The following JADE2 variants were observed in gnomAD, a reference collection of about 807,000 sequenced individuals.
The protein encoded by JADE2 is jade family PHD finger 2.
Under a neutral mutation model 85.7 loss-of-function variants are expected in JADE2, and 13 were observed. The observed-to-expected ratio is 0.15, with a 90% CI of 0.10 to 0.24. The LOEUF is 0.24. JADE2 is among the 10% of genes least tolerant of loss of function. JADE2 has a pLI of 1.00. For missense variants in JADE2, 846 were observed against 1,115.9 expected (o/e 0.76, Z 3.45); for synonymous variants, 440 against 456.1 (o/e 0.96, Z 0.45).
Position 134,566,112 on chromosome 5 carries a change from T to C in JADE2, c.970-4T>C. 6.2e-7 allele frequency: 1 copy of C among 1,609,422 alleles called. No homozygotes were observed. Among genetic ancestry groups the C allele is most frequent in the Non-Finnish European group, 8.5e-7 (1 of 1,176,942 alleles). On this transcript the variant is annotated splice_polypyrimidine_tract_variant and splice_region_variant and intron_variant, in intron 8 of 11. Transcript: ENST00000681547. The surrounding 1 kb of genome is among the most constrained non-coding windows in gnomAD (Gnocchi z 6.7). ...GTCTGATCCTGCCCCTCCTTTCCCCTCAGTGTTCCATGCCTTCCTGCGTCA... is the reference window on the plus strand; with the variant it reads ...GTCTGATCCTGCCCCTCCTTTCCCCCCAGTGTTCCATGCCTTCCTGCGTCA...
At chr5:134,556,961 C>T (rs1404073860) in intron 4 of JADE2, among the ~76,000 whole-genome samples, 2 of 148,026 alleles carry the variant, frequency 1.4e-5, no homozygotes, top group Non-Finnish European at 3.0e-5. Context: ...ACCACACACA[C>T]ACCTCACACA....
At chr5:134,565,049 G>A (rs1224943911) in intron 8 of JADE2, among the ~76,000 whole-genome samples, 5 of 152,280 alleles carry the variant, frequency 3.3e-5, no homozygotes, top group South Asian at 2.1e-4. Context: ...TCTAGCATGC[G>A]TCAGAATTAC....
At chr5:134,572,623 A>G (rs1397682787) in intron 9 of JADE2, among the ~76,000 whole-genome samples, 1 of 152,228 alleles carries the variant, frequency 6.6e-6, no homozygotes, top group Non-Finnish European at 1.5e-5. Context: ...AGCTTTGGCC[A>G]ACTGTCCCTG....
At chr5:134,526,397 G>C (rs1007743373) in intron 1 of JADE2, 1 of 985,106 alleles carries the variant, frequency 1.0e-6, no homozygotes. Context: ...CGCGGGCTCC[G>C]GCCGGGCGTA....
At chr5:134,551,001 G>A (rs1428489576) in intron 3 of JADE2, among the ~76,000 whole-genome samples, 2 of 152,042 alleles carry the variant, frequency 1.3e-5, no homozygotes, top group Non-Finnish European at 2.9e-5. Flanking sequence ...AGGGACCTTG[G>A]AAGTCCCAGC....
chr5:134,546,311 G>C (rs181812847), intron 3 of JADE2, among the ~76,000 whole-genome samples: 5 of 152,178 alleles, frequency 3.3e-5, no homozygotes, highest in Admixed American at 2.6e-4. Flanking sequence ...TGGGACTACA[G>C]GCAAGCCACC....
At chr5:134,551,418 G>T (rs1762584732) in intron 3 of JADE2, among the ~76,000 whole-genome samples, 1 of 151,916 alleles carries the variant, frequency 6.6e-6, no homozygotes, top group African/African-American at 2.4e-5. Flanking sequence ...TTGTAAAAAT[G>T]AGGTTTCACC....
Position 134,562,972 on chromosome 5 carries a change from A to G in JADE2, c.852+605A>G, listed in dbSNP as rs1422351005. On this transcript the variant is annotated intron_variant, in intron 7 of 11. Transcript: ENST00000681547. The surrounding 1 kb of genome is among the most constrained non-coding windows in gnomAD (Gnocchi z 4.6). ...AGTCAGGCAGCTGACTAGAGGGGAA[A>G]GCAGGTTGTGGGGTCCATCTAAACC... 2.6e-5 allele frequency among the ~76,000 whole-genome samples: 4 copies of G among 152,176 alleles called. No homozygotes were observed. The highest frequency in any genetic ancestry group is 2.6e-4 in the Admixed American group (4 of 15,270).
chr5:134,570,556 C>G (rs1202017285), intron 9 of JADE2, among the ~76,000 whole-genome samples: 1 of 152,212 alleles, frequency 6.6e-6, no homozygotes, highest in East Asian at 1.9e-4. Context: ...TTGCTGCCCA[C>G]TCTGGCCGGG....
chr5:134,526,584 C>T (rs1760836617), intron 1 of JADE2: 1 of 985,402 alleles, frequency 1.0e-6, no homozygotes, highest in Non-Finnish European at 1.2e-6. Context: ...GGCTCACGTG[C>T]AGCCGGTCCG....
intron 1 of JADE2, among the ~76,000 whole-genome samples, chr5:134,529,780 C>T (rs149159242): frequency 3.8e-4 from 58 of 152,332 alleles, no homozygotes; most frequent in Middle Eastern, 3.4e-3. Context: ...GATATGGGAG[C>T]GAGTAGACGG....
intron 1 of JADE2, among the ~76,000 whole-genome samples, chr5:134,527,305 G>A (rs1467774746): frequency 6.6e-6 from 1 of 152,040 alleles, no homozygotes; most frequent in Admixed American, 6.6e-5. Flanking sequence ...GCTCCCCATG[G>A]TTTCTTCCCG....
chr5:134,555,482 C>A (rs1047798333), intron 4 of JADE2, among the ~76,000 whole-genome samples: 3 of 152,194 alleles, frequency 2.0e-5, no homozygotes, highest in African/African-American at 7.2e-5. Flanking sequence ...AGAGCCAGAG[C>A]CAGAAGGGGG....
chr5:134,563,131 A>G (rs1763426961), intron 7 of JADE2, among the ~76,000 whole-genome samples: 1 of 152,150 alleles, frequency 6.6e-6, no homozygotes. Flanking sequence ...CAGCCTGGCC[A>G]ACATGGTAAC....
Position 134,580,643 on chromosome 5 carries a change from AC to A in JADE2, c.*1328del, listed in dbSNP as rs1346872565. On this transcript the variant is annotated 3_prime_UTR_variant, in exon 12 of 12. Coordinates refer to ENST00000681547, the MANE Select transcript of JADE2 (RefSeq NM_001388185.1). ...TAAAGCCAGAACTTCTCCAAAAAGA[AC>A]CTTGCAAAAAGTCCAGTGAATCAGT... 6.6e-6 allele frequency: 1 copy of A among 152,388 alleles called. No homozygotes were observed. Among genetic ancestry groups the A allele is most frequent in the East Asian group, 1.9e-4 (1 of 5,206 alleles). The allele number at this position is 152,388 out of a possible 1,614,324, so 9.4% of individuals were successfully genotyped here.
At position 134,559,817 on chromosome 5, in the gene JADE2, C is replaced by T. The variant is rs1763214854; in HGVS notation, c.312-13C>T. ...GGCCCCTCCCTTCATGACATCCTGT[C>T]TTGATTTTCTAGGATCCTCCCACCA... On this transcript the variant is annotated splice_polypyrimidine_tract_variant and intron_variant, in intron 4 of 11. Coordinates refer to ENST00000681547, the MANE Select transcript of JADE2 (RefSeq NM_001388185.1). The T allele has an allele frequency of 1.2e-6, 2 of 1,605,328 alleles. No homozygotes were observed. Among genetic ancestry groups the T allele is most frequent in the Non-Finnish European group, 1.7e-6 (2 of 1,176,344 alleles).
intron 1 of JADE2, chr5:134,526,871 G>T: frequency 3.0e-6 from 2 of 673,748 alleles, no homozygotes; most frequent in Non-Finnish European, 3.7e-6. Context: ...CTGGGAGAGT[G>T]GAAATGTACC....
chr5:134,538,227 GC>G (rs1281814766), intron 3 of JADE2, 144 bp downstream of exon 3: 1 of 628,282 alleles, frequency 1.6e-6, no homozygotes, highest in African/African-American at 1.8e-5. Flanking sequence ...GGGAGTAGGG[GC>G]CAGTTTCCCT....
intron 4 of JADE2, among the ~76,000 whole-genome samples, chr5:134,558,461 C>A (rs867827412): frequency 2.0e-5 from 3 of 151,474 alleles, no homozygotes; most frequent in Middle Eastern, 3.4e-3. Context: ...TTGCCCACGC[C>A]TATGTCCTGA....
Sources: allele counts gnomAD v4.1 joint callset (sites outside exome capture counted in the v4.1 genomes callset), GRCh38; gene constraint gnomAD v4.1.1; non-coding constraint Gnocchi (gnomAD v3.1); transcripts MANE v1.5; gene names NCBI Gene and HGNC (gene_info 2026-07-23, HGNC 2026-07-21).